DNAJC6: variants seen among roughly 807,000 people sequenced by gnomAD.
The protein encoded by DNAJC6 is DnaJ heat shock protein family (Hsp40) member C6, also known as auxilin.
A neutral mutation model predicts 110.0 loss-of-function variants in DNAJC6; 34 were observed. The ratio of observed to expected loss-of-function variants is 0.31; its 90% CI spans 0.24 to 0.41. The LOEUF is 0.41. Among genes scored for constraint, DNAJC6 ranks in the 10% least tolerant of loss-of-function variants. DNAJC6 has a pLI of 1.00. For missense variants in DNAJC6, 1,031 were observed against 1,207.8 expected, an observed-to-expected ratio of 0.85 and a Z score of 2.17; for synonymous variants, 406 against 437.2, an observed-to-expected ratio of 0.93 and a Z score of 0.89.
rs959105759 is a variant in DNAJC6 at position 65,386,019 on chromosome 1, A to G, written c.995+113A>G. The stretch of plus-strand genomic sequence containing the variant: ...AGACTATATCATTGTGAAATAGCTG[A>G]TATATAAAAAATGTTCAACATCAGT... On this transcript the variant is annotated intron_variant, in intron 7 of 18. Transcript: ENST00000371069. 4 of 1,099,094 alleles carry G rather than the reference A, an allele frequency of 3.6e-6. No individual in the cohort carries two copies. The African/African-American group carries it at 6.3e-5, about 17-fold the overall frequency. The allele number at this position is 1,099,094 out of a possible 1,614,324, so 68.1% of individuals were successfully genotyped here.
intron 1 of DNAJC6, among the ~76,000 whole-genome samples, chr1:65,340,747 C>T (rs140622887): frequency 7.9e-5 from 12 of 152,264 alleles, no homozygotes; most frequent in African/African-American, 2.6e-4. Context: ...CCTCTCTCCC[C>T]GACTCTGCCT....
chr1:65,354,868 T>C (rs990920513), intron 1 of DNAJC6, among the ~76,000 whole-genome samples: 1 of 152,320 alleles, frequency 6.6e-6, no homozygotes, highest in East Asian at 1.9e-4. Flanking sequence ...AATTTTTTAA[T>C]TGATTTTTGG....
intron 1 of DNAJC6, among the ~76,000 whole-genome samples, chr1:65,288,222 A>G (rs1444239967): frequency 1.3e-5 from 2 of 152,114 alleles, no homozygotes; most frequent in Non-Finnish European, 2.9e-5. Flanking sequence ...GGGATTCCAC[A>G]CTGTAACTCA....
intron 1 of DNAJC6, among the ~76,000 whole-genome samples, chr1:65,342,496 G>T (rs1228802179): frequency 6.6e-6 from 1 of 152,142 alleles, no homozygotes; most frequent in African/African-American, 2.4e-5. Context: ...AAATCTGCAG[G>T]CACCTTGATC....
chr1:65,311,478 G>T (rs1645101508), intron 1 of DNAJC6, among the ~76,000 whole-genome samples: 1 of 152,110 alleles, frequency 6.6e-6, no homozygotes, highest in Non-Finnish European at 1.5e-5. Flanking sequence ...GCCTGCCTCG[G>T]CCTCCCAAAG....
chr1:65,381,041 C>T (rs1645816929), intron 5 of DNAJC6, among the ~76,000 whole-genome samples: 1 of 149,748 alleles, frequency 6.7e-6, no homozygotes, highest in African/African-American at 2.5e-5. Context: ...GCCTCAGCCT[C>T]CCGAGTAGCT....
At chr1:65,383,957 T>C (rs2101597400) in intron 5 of DNAJC6, 1 of 367,546 alleles carries the variant, frequency 2.7e-6, no homozygotes, top group Admixed American at 4.7e-5. Flanking sequence ...ACAAATCAAA[T>C]TGGGCTTCTC....
At chr1:65,401,623 T>A (rs1171055518) in intron 14 of DNAJC6, 138 bp from the exon 15 acceptor site, 14 of 1,217,750 alleles carry the variant, frequency 1.1e-5, no homozygotes, top group Non-Finnish European at 1.6e-5. Context: ...GGAAACAGGG[T>A]CTAGCAACTT....
intron 5 of DNAJC6, among the ~76,000 whole-genome samples, chr1:65,382,289 A>T (rs1021911306): frequency 6.6e-6 from 1 of 152,202 alleles, no homozygotes; most frequent in Non-Finnish European, 1.5e-5. Context: ...TCTAGTCAAG[A>T]TTGAGAAATT....
At chr1:65,271,179 A>G (rs1180739398) in intron 1 of DNAJC6, among the ~76,000 whole-genome samples, 1 of 64,182 alleles carries the variant, frequency 1.6e-5, no homozygotes, top group Non-Finnish European at 3.8e-5. Context: ...TGATGTTTTG[A>G]TAGAAATCTA....
chr1:65,386,720 C>A, intron 7 of DNAJC6, 92 bp from the exon 8 acceptor site: 1 of 1,146,452 alleles, frequency 8.7e-7, no homozygotes, highest in Non-Finnish European at 1.3e-6. Flanking sequence ...GAACAGTCCT[C>A]TGGGCCAGAG....
chr1:65,317,096 C>T (rs1186255913), intron 1 of DNAJC6, among the ~76,000 whole-genome samples: 1 of 152,014 alleles, frequency 6.6e-6, no homozygotes, highest in East Asian at 1.9e-4. Flanking sequence ...TCATCTTTGG[C>T]CGTCTGCAGT....
chr1:65,372,146 G>GGTGTGTGTGT (rs59816601), intron 4 of DNAJC6, among the ~76,000 whole-genome samples: 39 of 141,080 alleles, frequency 2.8e-4, no homozygotes, highest in African/African-American at 9.1e-4. Flanking sequence ...TGACATTTGG[G>GGTGTGTGTGT]GTGTGTGTGT....
upstream of DNAJC6, among the ~76,000 whole-genome samples, chr1:65,307,018 C>CTCTCTATA (rs1465563773): frequency 7.1e-5 from 5 of 70,712 alleles, no homozygotes; most frequent in African/African-American, 1.1e-4. Context: ...CTCTCTCTCT[C>CTCTCTATA]TATATATATA....
chr1:65,284,513 G>A (rs905864035), intron 1 of DNAJC6, among the ~76,000 whole-genome samples: 1 of 152,140 alleles, frequency 6.6e-6, no homozygotes, highest in Non-Finnish European at 1.5e-5. Flanking sequence ...GATCTCTGGA[G>A]GTTTGCAGGG....
chr1:65,385,480 G>A (rs1248611336), intron 6 of DNAJC6, among the ~76,000 whole-genome samples: 1 of 152,116 alleles, frequency 6.6e-6, no homozygotes, highest in Non-Finnish European at 1.5e-5. Context: ...TAAGCTTTTT[G>A]ATTTAATAAA....
rs375127920 is a variant in DNAJC6, at chr1:65,264,908, A to T, written c.-155A>T. On this transcript the variant is annotated 5_prime_UTR_variant, in exon 1 of 20. Coordinates refer to the DNAJC6 transcript ENST00000263441. Reference sequence around the variant, plus strand: ...CATTTGCAGCAGAGGGAGGAAGCAGAGAATGAAAGATTCTGAAAATAAAGG... The same window carrying T: ...CATTTGCAGCAGAGGGAGGAAGCAGTGAATGAAAGATTCTGAAAATAAAGG... The T allele has an allele frequency of 2.5e-6, 4 of 1,613,296 alleles. No homozygotes were observed. In the African/African-American group the frequency reaches 5.3e-5, roughly 22 times the overall value.
At chr1:65,318,128 A>G (rs979857970) in intron 1 of DNAJC6, among the ~76,000 whole-genome samples, 15 of 152,160 alleles carry the variant, frequency 9.9e-5, no homozygotes, top group Admixed American at 9.2e-4. Flanking sequence ...GCCAGTGAAG[A>G]TTTGGAGATG....
At chr1:65,360,733 G>A (rs540266612) in intron 1 of DNAJC6, among the ~76,000 whole-genome samples, 6 of 152,322 alleles carry the variant, frequency 3.9e-5, no homozygotes, top group Non-Finnish European at 1.5e-5. Flanking sequence ...ACTAGCCGTA[G>A]TCTGTGGAGG....
Sources: allele counts gnomAD v4.1 joint callset (sites outside exome capture counted in the v4.1 genomes callset), GRCh38; gene constraint gnomAD v4.1.1; transcripts MANE v1.5; gene names NCBI Gene and HGNC (gene_info 2026-07-23, HGNC 2026-07-21).